The following CDH20 variants were observed in gnomAD, a reference collection of about 807,000 sequenced individuals.
CDH20 encodes the protein cadherin 20.
A neutral mutation model predicts 74.2 loss-of-function variants in CDH20; 29 were observed. That is an observed-to-expected ratio of 0.39 (90% CI 0.29 to 0.53). The LOEUF is 0.53. CDH20 is among the 20% of genes least tolerant of loss of function. The pLI is 0.69. For missense variants in CDH20, 988 were observed against 1,048.3 expected (o/e 0.94, Z 0.79); for synonymous variants, 469 against 405.4 (o/e 1.16, Z -1.88).
intron 5 of CDH20, among the ~76,000 whole-genome samples, chr18:61,503,979 C>T (rs1479875625): frequency 6.6e-6 from 1 of 151,974 alleles, no homozygotes; most frequent in Non-Finnish European, 1.5e-5. Context: ...TGTATACAGA[C>T]AAAACAACGT....
intron 1 of CDH20, among the ~76,000 whole-genome samples, chr18:61,461,563 T>C (rs1405702709): frequency 6.6e-6 from 1 of 152,132 alleles, no homozygotes; most frequent in Non-Finnish European, 1.5e-5. Flanking sequence ...TCTGCTCCTA[T>C]TCTTAGAAGG....
At chr18:61,540,605 C>T (rs763292089) in intron 9 of CDH20, among the ~76,000 whole-genome samples, 3 of 152,112 alleles carry the variant, frequency 2.0e-5, no homozygotes, top group South Asian at 4.1e-4. Context: ...AAACTGCCCC[C>T]GCAATTCAAT....
chr18:61,539,251 C>T, intron 9 of CDH20, 106 bp downstream of exon 9: 1 of 1,106,940 alleles, frequency 9.0e-7, no homozygotes, highest in Non-Finnish European at 1.3e-6. Flanking sequence ...CAGAAACGAA[C>T]AGTTCACAAA....
chr18:61,467,129 A>G (rs1362540418), intron 1 of CDH20, among the ~76,000 whole-genome samples: 1 of 152,098 alleles, frequency 6.6e-6, no homozygotes, highest in Non-Finnish European at 1.5e-5. Flanking sequence ...GGTGTCTGGT[A>G]CCATCTCTAA....
intron 1 of CDH20, among the ~76,000 whole-genome samples, chr18:61,370,692 G>C (rs1298964192): frequency 6.6e-6 from 1 of 151,986 alleles, no homozygotes; most frequent in African/African-American, 2.4e-5. Context: ...TACAACACAG[G>C]ATTATTAACT....
intron 1 of CDH20, among the ~76,000 whole-genome samples, chr18:61,362,731 A>C (rs908460392): frequency 6.6e-6 from 1 of 152,166 alleles, no homozygotes; most frequent in African/African-American, 2.4e-5. Context: ...ACTATGACTA[A>C]GTACTACATA....
intron 3 of CDH20, among the ~76,000 whole-genome samples, chr18:61,500,028 C>T (rs1164869612): frequency 6.4e-5 from 9 of 141,466 alleles, no homozygotes; most frequent in Admixed American, 1.5e-4. Context: ...CACTTGAACC[C>T]GGGAGGTGGA....
intron 1 of CDH20, among the ~76,000 whole-genome samples, chr18:61,487,656 G>T (rs919712678): frequency 7.2e-5 from 11 of 152,164 alleles, no homozygotes; most frequent in Non-Finnish European, 1.2e-4. Flanking sequence ...AGGAAAATAA[G>T]AATTTGCACT....
intron 6 of CDH20, among the ~76,000 whole-genome samples, chr18:61,527,366 A>AATAGATAGATAGATAGATAGATGATAG (rs1555683339): frequency 7.7e-4 from 109 of 142,146 alleles, no homozygotes; most frequent in East Asian, 1.1e-3. Flanking sequence ...TGAATATTCT[A>AATAGATAGATAGATAGATAGATGATAG]ATAGATAGAT....
In CDH20 at chr18:61,554,654, G is replaced by A. The variant is rs2095765771; in HGVS notation, c.2365G>A (p.Glu789Lys). The A allele has an allele frequency of 1.9e-6, 3 of 1,595,938 alleles. No homozygotes were observed. The highest frequency in any genetic ancestry group is 1.3e-5 in the African/African-American group (1 of 74,722). ...GGGGCCCCGCTTCCGGAAGCTGGCC[G>A]AGCTCTACGGGGCGTCGGAGGGACC... The part of the protein sequence containing the change: ...DWGPRFRKLA[E>K]LYGASEGPAP... The change falls in exon 12 of 12, where the codon GAG (glutamate) becomes AAG (lysine). Residue 789 changes from glutamate (E) to lysine (K), a missense_variant. Around this residue, in one of 2 missense-constraint regions of CDH20, gnomAD observed 375 missense variants for 293.1 expected, o/e 1.28. Transcript: ENST00000262717.
At chr18:61,366,311 T>C (rs1227992057) in intron 1 of CDH20, among the ~76,000 whole-genome samples, 1 of 152,178 alleles carries the variant, frequency 6.6e-6, no homozygotes, top group Non-Finnish European at 1.5e-5. Context: ...CTGCAAATAC[T>C]GAGAATGTTT....
At chr18:61,445,057 T>A (rs1909155275) in intron 1 of CDH20, among the ~76,000 whole-genome samples, 1 of 152,172 alleles carries the variant, frequency 6.6e-6, no homozygotes, top group Admixed American at 6.5e-5. Flanking sequence ...CATTACTATC[T>A]TCTACTAATG....
chr18:61,554,300 G>A lies in CDH20; in HGVS notation c.2011G>A (p.Gly671Ser), dbSNP rs928327481. The A allele has an allele frequency of 2.5e-6, 4 of 1,613,730 alleles. No homozygotes were observed. The highest frequency in any genetic ancestry group is 3.4e-6 in the Non-Finnish European group (4 of 1,179,994). Reference protein sequence around the residue: ...NIVRYDDEGGGEEDTEAFDIA... With the variant: ...NIVRYDDEGGSEEDTEAFDIA... ...CGTCCGCTACGACGACGAGGGCGGC[G>A]GCGAGGAGGACACCGAGGCCTTCGA... is the stretch of plus-strand genomic sequence containing the variant. The change falls in exon 12 of 12, where the codon GGC becomes AGC. Residue 671 changes from glycine to serine, a missense_variant. Gly to Ser is a moderately conservative substitution (Grantham distance 56). Transcript: ENST00000262717.
intron 1 of CDH20, among the ~76,000 whole-genome samples, chr18:61,368,426 C>A (rs183779483): frequency 2.2e-3 from 224 of 103,016 alleles, no homozygotes; most frequent in Admixed American, 4.3e-3. Flanking sequence ...GTTGGAAGGA[C>A]TGCTGGGTCG....
At chr18:61,460,424 CTGAG>C (rs1203288405) in intron 1 of CDH20, among the ~76,000 whole-genome samples, 2 of 152,250 alleles carry the variant, frequency 1.3e-5, no homozygotes, top group African/African-American at 4.8e-5. Flanking sequence ...AAGTAAGAAG[CTGAG>C]TAAGATCCAA....
At chr18:61,361,535 T>C (rs4941012) in intron 1 of CDH20, among the ~76,000 whole-genome samples, 28,284 of 152,116 alleles carry the variant, frequency 0.19, 2,986 homozygotes, top group East Asian at 0.46. Context: ...CAGATGAATA[T>C]TTTTTAAAAA....
intron 1 of CDH20, among the ~76,000 whole-genome samples, chr18:61,358,046 A>G (rs1910554098): frequency 6.6e-6 from 1 of 151,938 alleles, no homozygotes. Context: ...GGCCTTATCC[A>G]ATCCCTTCAG....
At chr18:61,440,201 T>C (rs565068321) in intron 1 of CDH20, among the ~76,000 whole-genome samples, 1 of 152,296 alleles carries the variant, frequency 6.6e-6, no homozygotes, top group East Asian at 1.9e-4. Context: ...GGCTTAGCCA[T>C]GTGACTTTCC....
chr18:61,397,409 C>G (rs1401734483), intron 1 of CDH20, among the ~76,000 whole-genome samples: 3 of 152,142 alleles, frequency 2.0e-5, no homozygotes, highest in African/African-American at 4.8e-5. Context: ...GCTGCAGCCC[C>G]GCAGCCCTGT....
Sources: allele counts gnomAD v4.1 joint callset (sites outside exome capture counted in the v4.1 genomes callset), GRCh38; gene constraint gnomAD v4.1.1; regional missense constraint gnomAD v4.1.1; transcripts MANE v1.5; gene names NCBI Gene and HGNC (gene_info 2026-07-23, HGNC 2026-07-21).